Variants in TRPC5 observed in about 807,000 individuals in gnomAD.
The protein encoded by TRPC5 is short transient receptor potential channel 5.
In TRPC5, 9 loss-of-function variants were observed where a neutral mutation model predicts 56.5. That is an observed-to-expected ratio of 0.16 (90% CI 0.10 to 0.28). TRPC5 has a LOEUF of 0.28. Among genes scored for constraint, TRPC5 ranks in the 10% least tolerant of loss-of-function variants. The probability of loss-of-function intolerance (pLI) is 1.00; values close to 1 mark genes in which losing one functional copy is unlikely to be tolerated. For missense variants in TRPC5, 469 were observed against 748.9 expected, an observed-to-expected ratio of 0.63 and a Z score of 4.36; for synonymous variants, 282 against 278.5, an observed-to-expected ratio of 1.01 and a Z score of -0.13.
At chrX:111,782,973 C>A (rs1489504551) in intron 7 of TRPC5, among the ~76,000 whole-genome samples, 4 of 111,614 alleles carry the variant, frequency 3.6e-5, no homozygotes, top group African/African-American at 1.3e-4. Flanking sequence ...ACTCTCCCAA[C>A]CTCTAACCTC....
intron 7 of TRPC5, among the ~76,000 whole-genome samples, chrX:111,801,770 G>A (rs1369890158): frequency 8.9e-6 from 1 of 112,267 alleles, no homozygotes; most frequent in Admixed American, 9.5e-5. Flanking sequence ...TAAACATTGT[G>A]TGTTCTGGAT....
At chrX:112,028,890 C>T (rs780849648) in intron 1 of TRPC5, among the ~76,000 whole-genome samples, 1 of 112,444 alleles carries the variant, frequency 8.9e-6, no homozygotes, top group East Asian at 2.8e-4. Flanking sequence ...ACACTCCCAC[C>T]AGCAGTGTAA....
At chrX:112,047,566 AGG>A (rs1930079892) in intron 1 of TRPC5, among the ~76,000 whole-genome samples, 1 of 112,320 alleles carries the variant, frequency 8.9e-6, no homozygotes, top group African/African-American at 3.2e-5. Context: ...AAGCTCTTCT[AGG>A]GAGACAAAAC....
At chrX:112,012,910 C>G (rs1033044914) in intron 1 of TRPC5, among the ~76,000 whole-genome samples, 7 of 111,669 alleles carry the variant, frequency 6.3e-5, no homozygotes, top group African/African-American at 2.3e-4. Flanking sequence ...AAACAACTTC[C>G]TACCATGAGG....
chrX:111,782,856 TAGG>T (rs1242659327), intron 7 of TRPC5, among the ~76,000 whole-genome samples: 2 of 100,832 alleles, frequency 2.0e-5, no homozygotes, highest in Non-Finnish European at 3.8e-5. Context: ...TGTACATTTC[TAGG>T]AGTTTTAAGA....
In TRPC5 at chrX:112,078,575, T is replaced by C. The variant is rs1243772018; in HGVS notation, c.-22+3304A>G. ...TCTTATCGTTATTTTTTCTTTCCTT[T>C]TGCTAAGGCAAAAACCTGGGGCAAT... On this transcript the variant is annotated intron_variant, in intron 1 of 10. Transcript: ENST00000262839. Among the ~76,000 whole-genome samples the C allele has an allele frequency of 3.6e-5, 4 of 111,694 alleles. No homozygotes were observed. In the Admixed American group the frequency reaches 3.8e-4, roughly 11 times the overall value.
intron 1 of TRPC5, among the ~76,000 whole-genome samples, chrX:112,011,225 A>T (rs1392768884): frequency 9.0e-6 from 1 of 111,297 alleles, no homozygotes; most frequent in Non-Finnish European, 1.9e-5. Flanking sequence ...GACCTTATTA[A>T]TCTCTTTGCC....
intron 1 of TRPC5, among the ~76,000 whole-genome samples, chrX:111,969,036 AATAAAT>A (rs1927704124): frequency 1.8e-5 from 2 of 108,988 alleles, no homozygotes; most frequent in African/African-American, 6.7e-5. Flanking sequence ...CAACAAAAAA[AATAAAT>A]AAATAACAAA....
rs145868911 is a variant in TRPC5 at position 111,874,043 on chromosome X, G to A, written c.901-19937C>T. ...GAGAAAGGAAGGATCCTCAATGCTC[G>A]GATGGCTTTTAAGAAGTCATTTTCC... is the stretch of plus-strand genomic sequence containing the variant. On this transcript the variant is annotated intron_variant, in intron 3 of 10. Transcript: ENST00000262839. 3.3e-4 allele frequency among the ~76,000 whole-genome samples: 37 copies of A among 111,459 alleles called. No individual in the cohort carries two copies. The East Asian group carries it at 1.0e-2, about 30-fold the overall frequency.
intron 8 of TRPC5, 93 bp downstream of exon 8, chrX:111,781,842 C>T: frequency 1.2e-6 from 1 of 821,790 alleles, no homozygotes; most frequent in East Asian, 3.4e-5. Flanking sequence ...TTGGCAGTGA[C>T]CCGAGACCGT....
chrX:111,907,128 A>G (rs1021306308), intron 3 of TRPC5, among the ~76,000 whole-genome samples: 1 of 108,603 alleles, frequency 9.2e-6, no homozygotes, highest in African/African-American at 3.4e-5. Context: ...AAAAAAAAAA[A>G]GAAAATGTCC....
intron 1 of TRPC5, among the ~76,000 whole-genome samples, chrX:112,065,833 T>G (rs1930570068): frequency 9.1e-6 from 1 of 109,746 alleles, no homozygotes; most frequent in Admixed American, 9.7e-5. Context: ...ATGGCACCAC[T>G]GAATTCCAGC....
intron 7 of TRPC5, among the ~76,000 whole-genome samples, chrX:111,794,213 C>T (rs913701463): frequency 9.0e-6 from 1 of 111,559 alleles, no homozygotes; most frequent in Non-Finnish European, 1.9e-5. Flanking sequence ...CTTAGTAAGA[C>T]TTATTTTTTT....
At chrX:111,790,932 A>G (rs1361659346) in intron 7 of TRPC5, among the ~76,000 whole-genome samples, 1 of 98,233 alleles carries the variant, frequency 1.0e-5, no homozygotes. Flanking sequence ...GAGGCGCAGA[A>G]TTGCTTGAAC....
chrX:111,848,709 G>A (rs953938648), intron 5 of TRPC5, among the ~76,000 whole-genome samples: 5 of 112,426 alleles, frequency 4.4e-5, no homozygotes, highest in African/African-American at 1.6e-4. Context: ...CTCTGTCAGA[G>A]GAGCTTGGAG....
At chrX:111,997,507 C>T (rs1044677429) in intron 1 of TRPC5, among the ~76,000 whole-genome samples, 7 of 110,898 alleles carry the variant, frequency 6.3e-5, no homozygotes, top group African/African-American at 2.3e-4. Context: ...GTGGTGTTCT[C>T]TGGATTTCCT....
chrX:112,040,596 AT>A (rs1264825876), intron 1 of TRPC5, among the ~76,000 whole-genome samples: 16 of 111,668 alleles, frequency 1.4e-4, no homozygotes, highest in African/African-American at 5.2e-4. Context: ...ATAATAGGGA[AT>A]TACTGACATT....
In TRPC5 at chrX:111,890,894, C is replaced by T. The variant is rs189538457; in HGVS notation, c.900+21397G>A. Among the ~76,000 whole-genome samples the T allele has an allele frequency of 2.2e-3, 240 of 110,851 alleles. 1 individual carries two copies. The highest frequency in any genetic ancestry group is 7.7e-3 in the African/African-American group (233 of 30,438). Reference sequence around the variant, plus strand: ...CCACCCTCGACCCTCTGATAGGCCCCAGTGTGTGTTGTTCTCCTTTATGTG... The same window carrying T: ...CCACCCTCGACCCTCTGATAGGCCCTAGTGTGTGTTGTTCTCCTTTATGTG... On this transcript the variant is annotated intron_variant, in intron 3 of 10. Coordinates refer to ENST00000262839, the MANE Select transcript of TRPC5 (RefSeq NM_012471.3).
At chrX:111,888,436 A>T (rs1203761203) in intron 3 of TRPC5, among the ~76,000 whole-genome samples, 7 of 105,431 alleles carry the variant, frequency 6.6e-5, no homozygotes, top group Non-Finnish European at 9.7e-5. Context: ...GAACTTTGGG[A>T]GGCCGAGGCG....
Sources: allele counts gnomAD v4.1 joint callset (sites outside exome capture counted in the v4.1 genomes callset), GRCh38; gene constraint gnomAD v4.1.1; transcripts MANE v1.5; gene names NCBI Gene and HGNC (gene_info 2026-07-23, HGNC 2026-07-21).